Variants in NFAT5 observed in about 807,000 individuals in gnomAD.
NFAT5 encodes nuclear factor of activated T-cells 5.
Under a neutral mutation model 166.5 loss-of-function variants are expected in NFAT5, and 31 were observed. The ratio of observed to expected loss-of-function variants is 0.19; its 90% CI spans 0.14 to 0.25. The LOEUF (loss-of-function observed/expected upper bound fraction) is 0.25. Ranked by LOEUF, NFAT5 falls within the 10% of genes least tolerant of loss-of-function variation. The pLI, the probability that NFAT5 is intolerant of heterozygous loss-of-function variation, is 1.00. For missense variants in NFAT5, 1,449 were observed against 1,821.8 expected, an observed-to-expected ratio of 0.80 and a Z score of 3.72; for synonymous variants, 612 against 639.7, an observed-to-expected ratio of 0.96 and a Z score of 0.65.
At chr16:69,675,889 C>T (rs2036813208) in intron 9 of NFAT5, among the ~76,000 whole-genome samples, 1 of 152,186 alleles carries the variant, frequency 6.6e-6, no homozygotes, top group South Asian at 2.1e-4. Flanking sequence ...GATCTGCCCA[C>T]CTCGGCCTCC....
At chr16:69,581,085 AG>A (rs2031657301) in intron 2 of NFAT5, among the ~76,000 whole-genome samples, 1 of 152,088 alleles carries the variant, frequency 6.6e-6, no homozygotes, top group Non-Finnish European at 1.5e-5. Flanking sequence ...TCTATCACCT[AG>A]GCTGGAATGC....
chr16:69,637,419 G>C (rs1041673416), intron 3 of NFAT5, among the ~76,000 whole-genome samples: 1 of 152,118 alleles, frequency 6.6e-6, no homozygotes, highest in African/African-American at 2.4e-5. Flanking sequence ...AGTTTACTGT[G>C]TTAGTCCATT....
intron 2 of NFAT5, among the ~76,000 whole-genome samples, chr16:69,569,930 A>G (rs1351969131): frequency 6.6e-6 from 1 of 152,176 alleles, no homozygotes; most frequent in Non-Finnish European, 1.5e-5. Context: ...GTTTTTATTC[A>G]TATTCAATTT....
chr16:69,684,395 C>G (rs1170535349), intron 10 of NFAT5, among the ~76,000 whole-genome samples: 1 of 151,062 alleles, frequency 6.6e-6, no homozygotes, highest in Non-Finnish European at 1.5e-5. Context: ...CTTGTCTCTA[C>G]TAAAAATACA....
rs966713811 is a variant in NFAT5, at chr16:69,566,037, C to T, written c.-265C>T. The T allele has an allele frequency of 6.4e-6, 3 of 471,046 alleles. No homozygotes were observed. Among genetic ancestry groups the T allele is most frequent in the African/African-American group, 2.2e-5 (1 of 45,212 alleles). 29.2% of individuals were successfully genotyped at this position (471,046 alleles called of 1,614,324 possible). On this transcript the variant is annotated 5_prime_UTR_variant, in exon 1 of 15. Transcript: ENST00000349945. This position sits in a 1 kb window ranked among gnomAD's most constrained non-coding sequence, Gnocchi z 5.7. ...GCTGAGGAGAAACACGAAACGGACC[C>T]TTTGGCTCTCCCCCTTCCCCTTCCC...
At chr16:69,576,174 C>T (rs912514356) in intron 2 of NFAT5, among the ~76,000 whole-genome samples, 53 of 147,750 alleles carry the variant, frequency 3.6e-4, no homozygotes, top group African/African-American at 1.1e-3. Context: ...GCGTGGTGGG[C>T]GGGCACCTGT....
chr16:69,606,720 GTGGTACGCCTGTAATTCCAGTTAC>G (rs1167898074), intron 2 of NFAT5, among the ~76,000 whole-genome samples: 3 of 152,174 alleles, frequency 2.0e-5, no homozygotes, highest in African/African-American at 7.2e-5. Context: ...GCTGGGCGTG[GTGGTACGCCTGTAATTCCAGTTAC>G]TCAGGAGGCT....
At position 69,700,097 on chromosome 16, in the gene NFAT5, C is replaced by T. The variant is rs1337851670; in HGVS notation, c.*3746C>T. The T allele has an allele frequency of 6.6e-6, 1 of 151,934 alleles. No homozygotes were observed. The highest frequency in any genetic ancestry group is 1.5e-5 in the Non-Finnish European group (1 of 67,952). The allele number at this position is 151,934 out of a possible 1,614,324, so 9.4% of individuals were successfully genotyped here. A position where few individuals can be genotyped will look rare whatever the true frequency, so the allele number is the denominator to read the frequency against. ...ATGAAGGACTTTCCTTCCTCCCTCCCTTTCCTCCCCTCCCTGCCTCCCTTC... is the reference window on the plus strand; with the variant it reads ...ATGAAGGACTTTCCTTCCTCCCTCCTTTTCCTCCCCTCCCTGCCTCCCTTC... On this transcript the variant is annotated 3_prime_UTR_variant, in exon 15 of 15. Coordinates refer to ENST00000349945, the MANE Select transcript of NFAT5 (RefSeq NM_138713.4).
In NFAT5 at chr16:69,626,399, A is replaced by G; in HGVS notation, c.128-4A>G. On this transcript the variant is annotated splice_polypyrimidine_tract_variant and splice_region_variant and intron_variant, in intron 2 of 14. Coordinates refer to ENST00000349945, the MANE Select transcript of NFAT5 (RefSeq NM_138713.4). ...GTTTTCTCCTCTCTTTCCCCTCCCC[A>G]CAGAATCTGTCTATGATCTTCTCCC... 6.4e-7 allele frequency: 1 copy of G among 1,557,946 alleles called. No individual in the cohort carries two copies. The highest frequency in any genetic ancestry group is 1.4e-5 in the African/African-American group (1 of 71,712).
intron 3 of NFAT5, chr16:69,632,708 AT>A (rs1411354811): frequency 6.6e-6 from 1 of 152,132 alleles, no homozygotes; most frequent in African/African-American, 2.4e-5. Context: ...GGGTTAACAT[AT>A]TTCAGAATTT....
rs1299909617 is a variant in NFAT5 at position 69,703,541 on chromosome 16, T to G, written c.*7190T>G. ...ATTGTTCTAATCTTCTTCCCACTGT[T>G]TACAAATTACCAGTTAATTAACTCG... On this transcript the variant is annotated 3_prime_UTR_variant, in exon 15 of 15. Transcript: ENST00000349945. 1 of 152,598 alleles carries G rather than the reference T, an allele frequency of 6.6e-6. No individual in the cohort carries two copies. The highest frequency in any genetic ancestry group is 6.5e-5 in the Admixed American group (1 of 15,268). The allele number at this position is 152,598 out of a possible 1,614,324, so 9.5% of individuals were successfully genotyped here.
chr16:69,573,361 T>C (rs1385137146), intron 2 of NFAT5, among the ~76,000 whole-genome samples: 1 of 152,218 alleles, frequency 6.6e-6, no homozygotes, highest in Admixed American at 6.5e-5. Context: ...TTCTGATTTA[T>C]ATTTCTTCCT....
chr16:69,687,573 A>T (rs2037360704), intron 11 of NFAT5, among the ~76,000 whole-genome samples: 2 of 152,130 alleles, frequency 1.3e-5, no homozygotes. Context: ...CTTTACCAGT[A>T]GACATACTTG....
At chr16:69,639,724 G>GT (rs5817672) in intron 3 of NFAT5, among the ~76,000 whole-genome samples, 2,759 of 152,204 alleles carry the variant, frequency 0.018, 87 homozygotes, top group African/African-American at 0.059. Context: ...TAAAATATAG[G>GT]TTTTTTTACA....
intron 11 of NFAT5, chr16:69,685,316 T>TCAGGTAGATCATTTG (rs2037253162): frequency 6.8e-6 from 1 of 147,574 alleles, no homozygotes; most frequent in Non-Finnish European, 1.5e-5. Flanking sequence ...GGAGGCCGAG[T>TCAGGTAGATCATTTG]CAGGTAGATC....
intron 7 of NFAT5, among the ~76,000 whole-genome samples, chr16:69,664,801 G>T (rs1233722325): frequency 6.6e-6 from 1 of 152,118 alleles, no homozygotes; most frequent in East Asian, 1.9e-4. Flanking sequence ...GCCAAGGTGG[G>T]CCCATTACCT....
At chr16:69,595,583 T>C (rs1231495164) in intron 2 of NFAT5, among the ~76,000 whole-genome samples, 1 of 152,204 alleles carries the variant, frequency 6.6e-6, no homozygotes, top group Non-Finnish European at 1.5e-5. Flanking sequence ...CTGTTTGAGG[T>C]GTGGCAGCAA....
intron 2 of NFAT5, among the ~76,000 whole-genome samples, chr16:69,606,003 G>T (rs537201266): frequency 2.0e-4 from 31 of 152,240 alleles, no homozygotes; most frequent in Non-Finnish European, 4.1e-4. Context: ...ATGAGCCACC[G>T]CGCCCGGCCC....
intron 2 of NFAT5, among the ~76,000 whole-genome samples, chr16:69,617,164 G>A (rs577569054): frequency 1.1e-3 from 172 of 152,016 alleles, no homozygotes; most frequent in Non-Finnish European, 1.3e-3. Flanking sequence ...GGATGGTCTC[G>A]ATCTCCTGAC....
Sources: allele counts gnomAD v4.1 joint callset (sites outside exome capture counted in the v4.1 genomes callset), GRCh38; gene constraint gnomAD v4.1.1; non-coding constraint Gnocchi (gnomAD v3.1); transcripts MANE v1.5; gene names NCBI Gene and HGNC (gene_info 2026-07-23, HGNC 2026-07-21).